MSI2: variants seen among roughly 807,000 people sequenced by gnomAD.
The protein encoded by MSI2 is musashi RNA binding protein 2, also known as RNA-binding protein Musashi homolog 2.
A neutral mutation model predicts 45.6 loss-of-function variants in MSI2; 17 were observed. The ratio of observed to expected loss-of-function variants is 0.37; its 90% CI spans 0.26 to 0.56. MSI2 has a LOEUF of 0.56. Among genes scored for constraint, MSI2 ranks in the 20% least tolerant of loss-of-function variants. The pLI, the probability that MSI2 is intolerant of heterozygous loss-of-function variation, is 0.77. For missense variants in MSI2, 293 were observed against 444.2 expected (o/e 0.66, Z 3.06); for synonymous variants, 156 against 158.2 (o/e 0.99, Z 0.11).
intron 7 of MSI2, among the ~76,000 whole-genome samples, chr17:57,571,334 C>T (rs538326539): frequency 3.3e-5 from 5 of 152,294 alleles, no homozygotes; most frequent in South Asian, 4.1e-4. Context: ...CTTCTCTCCC[C>T]GCATTTCAGG....
Position 57,681,575 on chromosome 17 carries a change from A to G in MSI2, c.*2058A>G, listed in dbSNP as rs1913597479. ...ACTAAAGACTCCAAAATGCTAACTC[A>G]GAAAGAAAGAAAAAACCCGTTTTCA... On this transcript the variant is annotated 3_prime_UTR_variant, in exon 14 of 14. Transcript: ENST00000284073. The G allele has an allele frequency of 2.7e-5, 5 of 183,178 alleles. No homozygotes were observed. The South Asian group carries it at 9.8e-4, about 36-fold the overall frequency. 11.3% of individuals were successfully genotyped at this position (183,178 alleles called of 1,614,324 possible).
chr17:57,433,587 A>G (rs1356582355), intron 6 of MSI2, among the ~76,000 whole-genome samples: 2 of 152,226 alleles, frequency 1.3e-5, no homozygotes, highest in Non-Finnish European at 2.9e-5. Flanking sequence ...ACTTTGTTAC[A>G]GCAGCCCTAG....
At chr17:57,455,792 C>T (rs183005275) in intron 6 of MSI2, among the ~76,000 whole-genome samples, 14 of 152,294 alleles carry the variant, frequency 9.2e-5, no homozygotes, top group African/African-American at 2.2e-4. Flanking sequence ...GGAACCTGCT[C>T]ATGCTGATTT....
At chr17:57,359,842 T>G (rs1916699971) in intron 5 of MSI2, among the ~76,000 whole-genome samples, 1 of 152,248 alleles carries the variant, frequency 6.6e-6, no homozygotes, top group African/African-American at 2.4e-5. Flanking sequence ...TTCTCCTATT[T>G]GCTGCCTTAG....
At chr17:57,470,284 A>ATTTG (rs1157946921) in intron 6 of MSI2, among the ~76,000 whole-genome samples, 2 of 151,456 alleles carry the variant, frequency 1.3e-5, no homozygotes, top group Admixed American at 1.3e-4. Flanking sequence ...ATTTTTATTT[A>ATTTG]TTTATTTTTT....
intron 11 of MSI2, among the ~76,000 whole-genome samples, chr17:57,674,651 T>G (rs1284269049): frequency 1.3e-5 from 2 of 152,154 alleles, no homozygotes; most frequent in African/African-American, 2.4e-5. Flanking sequence ...ATTTCTATTG[T>G]GATAATTTGG....
chr17:57,390,343 A>G (rs555760082), intron 5 of MSI2, among the ~76,000 whole-genome samples: 136 of 152,270 alleles, frequency 8.9e-4, no homozygotes, highest in Non-Finnish European at 4.0e-4. Context: ...CTGGCTGCAT[A>G]TTAGAATGTT....
At chr17:57,435,263 G>A (rs547022105) in intron 6 of MSI2, among the ~76,000 whole-genome samples, 4 of 152,236 alleles carry the variant, frequency 2.6e-5, no homozygotes, top group Admixed American at 6.5e-5. Context: ...AGTCATTCCC[G>A]AGAGGGAGCA....
At chr17:57,387,063 C>T (rs2083699113) in intron 5 of MSI2, among the ~76,000 whole-genome samples, 1 of 152,212 alleles carries the variant, frequency 6.6e-6, no homozygotes, top group Non-Finnish European at 1.5e-5. Flanking sequence ...AATGAGCCCT[C>T]CATGTTCCGG....
rs191146464 is a variant in MSI2, at chr17:57,584,593, G to C, written c.455-12275G>C. 6.6e-5 allele frequency among the ~76,000 whole-genome samples: 10 copies of C among 152,292 alleles called. No individual in the cohort carries two copies. In the East Asian group the frequency reaches 1.9e-3, roughly 29 times the overall value. On this transcript the variant is annotated intron_variant, in intron 7 of 13. Coordinates refer to ENST00000284073, the MANE Select transcript of MSI2 (RefSeq NM_138962.4). ...TAATTTGTGGCAGCGCTGAAAACCTGCTCCAAGTAGTGGTTTCTTGATGGA... is the reference window on the plus strand; with the variant it reads ...TAATTTGTGGCAGCGCTGAAAACCTCCTCCAAGTAGTGGTTTCTTGATGGA...
chr17:57,540,811 A>G (rs2087027608), intron 7 of MSI2, among the ~76,000 whole-genome samples: 1 of 152,192 alleles, frequency 6.6e-6, no homozygotes, highest in South Asian at 2.1e-4. Flanking sequence ...CAAAACTGAG[A>G]CAGAATAAGT....
At chr17:57,348,913 A>G (rs1047022239) in intron 5 of MSI2, among the ~76,000 whole-genome samples, 13 of 152,264 alleles carry the variant, frequency 8.5e-5, no homozygotes, top group African/African-American at 3.1e-4. Context: ...AAGATCTGAT[A>G]TTATTTACAC....
At chr17:57,384,883 T>C (rs1330338689) in intron 5 of MSI2, among the ~76,000 whole-genome samples, 4 of 152,338 alleles carry the variant, frequency 2.6e-5, no homozygotes, top group Middle Eastern at 6.8e-3. Context: ...AACACATTTA[T>C]CTTTCCTCTG....
chr17:57,488,164 G>A (rs2085792037), intron 6 of MSI2, among the ~76,000 whole-genome samples: 1 of 152,068 alleles, frequency 6.6e-6, no homozygotes, highest in Admixed American at 6.6e-5. Flanking sequence ...TCCTCCAGAG[G>A]GTGGTACTAA....
chr17:57,317,448 T>A (rs1308437035), intron 5 of MSI2, among the ~76,000 whole-genome samples: 2 of 152,036 alleles, frequency 1.3e-5, no homozygotes, highest in Non-Finnish European at 1.5e-5. Flanking sequence ...AGCATTAGCA[T>A]TATTAGCATA....
At chr17:57,575,151 T>A (rs2332938) in intron 7 of MSI2, among the ~76,000 whole-genome samples, 18 of 114,446 alleles carry the variant, frequency 1.6e-4, no homozygotes, top group South Asian at 3.0e-4. Flanking sequence ...TTTAACTCCC[T>A]CCCCCCGCCA....
chr17:57,594,978 C>G (rs1015338527), intron 7 of MSI2, among the ~76,000 whole-genome samples: 1 of 152,182 alleles, frequency 6.6e-6, no homozygotes, highest in Admixed American at 6.5e-5. Flanking sequence ...TGCTGTGTTT[C>G]GTGGTCCTAG....
chr17:57,617,472 A>T (rs58490485), intron 9 of MSI2, among the ~76,000 whole-genome samples: 26 of 152,360 alleles, frequency 1.7e-4, no homozygotes, highest in African/African-American at 6.3e-4. Context: ...TAGAGTCTAA[A>T]CTAAATATAC....
At chr17:57,523,826 A>G (rs2086644105) in intron 6 of MSI2, among the ~76,000 whole-genome samples, 1 of 152,114 alleles carries the variant, frequency 6.6e-6, no homozygotes, top group Non-Finnish European at 1.5e-5. Flanking sequence ...GCTTTCTAGT[A>G]TTATTTTAGA....
Sources: gnomAD v4.1 joint callset for allele counts (sites outside exome capture counted in the v4.1 genomes callset) on GRCh38, gnomAD v4.1.1 for gene constraint, MANE v1.5 for transcripts, NCBI Gene and HGNC (gene_info 2026-07-23, HGNC 2026-07-21) for gene names.